Variants in KLHL4 observed in about 807,000 individuals in gnomAD.
KLHL4 encodes the protein kelch-like protein 4.
Under a neutral mutation model 45.8 loss-of-function variants are expected in KLHL4, and 17 were observed. The observed-to-expected ratio is 0.37, with a 90% confidence interval of 0.25 to 0.56. The LOEUF (loss-of-function observed/expected upper bound fraction) is 0.56, where lower values mean the gene tolerates loss of function less well. KLHL4 is among the 20% of genes least tolerant of loss of function. The probability of loss-of-function intolerance (pLI) is 0.79; values close to 1 mark genes in which losing one functional copy is unlikely to be tolerated. For missense variants in KLHL4, 544 were observed against 544.9 expected, an observed-to-expected ratio of 1.00 and a Z score of 0.02; for synonymous variants, 224 against 189.9, an observed-to-expected ratio of 1.18 and a Z score of -1.47.
At chrX:87,529,589 A>C (rs2147764752) in intron 1 of KLHL4, among the ~76,000 whole-genome samples, 1 of 111,368 alleles carries the variant, frequency 9.0e-6, no homozygotes, top group African/African-American at 3.3e-5. Context: ...TTTATTATTA[A>C]ATTCTCTATA....
At position 87,669,245 on chromosome X, in the gene KLHL4, G is replaced by A; in HGVS notation, c.*2711G>A. The A allele has an allele frequency of 4.3e-6, 5 of 1,169,814 alleles. No homozygotes were observed. Among genetic ancestry groups the A allele is most frequent in the Non-Finnish European group, 5.7e-6 (5 of 873,429 alleles). ...TTTTTTCTATAATCACTATGACCGT[G>A]TTCACGATTCCCTACTCTGCAACTC... is the stretch of plus-strand genomic sequence containing the variant. On this transcript the variant is annotated 3_prime_UTR_variant, in exon 11 of 11. Coordinates refer to ENST00000373119, the MANE Select transcript of KLHL4 (RefSeq NM_019117.5).
chrX:87,609,883 T>C (rs759590181), intron 1 of KLHL4, among the ~76,000 whole-genome samples: 1 of 111,226 alleles, frequency 9.0e-6, no homozygotes, highest in Admixed American at 9.6e-5. Flanking sequence ...ACTAAAAGAG[T>C]GAGAACTCAC....
At chrX:87,644,575 C>A (rs760951277) in intron 9 of KLHL4, among the ~76,000 whole-genome samples, 8 of 110,908 alleles carry the variant, frequency 7.2e-5, no homozygotes, top group African/African-American at 2.0e-4. Context: ...CATATGGAAC[C>A]AAAAAAGAGC....
Position 87,552,375 on chromosome X carries a change from AAAAAAT to A in KLHL4, c.422+34078_422+34083del, listed in dbSNP as rs766557258. Among the ~76,000 whole-genome samples, 769 of 111,057 alleles carry A rather than the reference AAAAAAT, an allele frequency of 6.9e-3. 3 individuals are homozygous for A. The highest frequency in any genetic ancestry group is 0.011 in the Non-Finnish European group (607 of 52,825). ...TACTCCTGCAAGAAAGGCCATAATCAAAAAATAAAAATAAAAATAAAAACAGCAGAT... is the reference window on the plus strand; with the variant it reads ...TACTCCTGCAAGAAAGGCCATAATCAAAAAATAAAAATAAAAACAGCAGAT... On this transcript the variant is annotated intron_variant, in intron 1 of 10. Coordinates refer to ENST00000373119, the MANE Select transcript of KLHL4 (RefSeq NM_019117.5).
chrX:87,562,816 A>C (rs2147785727), intron 1 of KLHL4, among the ~76,000 whole-genome samples: 1 of 111,789 alleles, frequency 8.9e-6, no homozygotes, highest in East Asian at 2.9e-4. Context: ...GGTGAAAACA[A>C]ATAGTGTGCT....
chrX:87,551,960 A>C (rs755927368), intron 1 of KLHL4, among the ~76,000 whole-genome samples: 1 of 111,833 alleles, frequency 8.9e-6, no homozygotes, highest in Non-Finnish European at 1.9e-5. Context: ...AGAAGTTAAC[A>C]TAGGAAGAAC....
intron 9 of KLHL4, among the ~76,000 whole-genome samples, chrX:87,663,734 G>T (rs1283139036): frequency 1.8e-5 from 2 of 112,243 alleles, no homozygotes; most frequent in Non-Finnish European, 3.8e-5. Context: ...AAAGTGATAT[G>T]CTACATGACA....
intron 8 of KLHL4, among the ~76,000 whole-genome samples, chrX:87,634,618 A>T (rs983889725): frequency 2.7e-5 from 3 of 112,130 alleles, no homozygotes; most frequent in African/African-American, 9.7e-5. Flanking sequence ...ACTATGCATG[A>T]AGCCAATACA....
chrX:87,553,336 ATTAG>A (rs753715945), intron 1 of KLHL4, among the ~76,000 whole-genome samples: 314 of 110,918 alleles, frequency 2.8e-3, no homozygotes, highest in Non-Finnish European at 5.1e-3. Context: ...TCAATCAATA[ATTAG>A]TTAATGAAAC....
chrX:87,568,608 T>C lies in KLHL4; in HGVS notation c.423-45269T>C, dbSNP rs749224671. On this transcript the variant is annotated intron_variant, in intron 1 of 10. Coordinates refer to ENST00000373119, the MANE Select transcript of KLHL4 (RefSeq NM_019117.5). ...AGTACTTTCATAAGGATAAAAAGCT[T>C]ACAGTAATCAAATATGTGTAGTACT... 2.7e-5 allele frequency among the ~76,000 whole-genome samples: 3 copies of C among 110,422 alleles called. No individual in the cohort carries two copies. The Admixed American group carries it at 2.9e-4, about 11-fold the overall frequency.
At chrX:87,581,632 A>T (rs1275818329) in intron 1 of KLHL4, among the ~76,000 whole-genome samples, 1 of 112,524 alleles carries the variant, frequency 8.9e-6, no homozygotes, top group Non-Finnish European at 1.9e-5. Flanking sequence ...AGCCCTATGG[A>T]AGAGTGGCCA....
chrX:87,521,525 A>T (rs766861950), intron 1 of KLHL4, among the ~76,000 whole-genome samples: 7 of 111,659 alleles, frequency 6.3e-5, no homozygotes, highest in Non-Finnish European at 1.1e-4. Context: ...TATTTAGGTG[A>T]TTATAAATAA....
chrX:87,529,297 T>C (rs934883261), intron 1 of KLHL4, among the ~76,000 whole-genome samples: 2 of 111,383 alleles, frequency 1.8e-5, no homozygotes, highest in Non-Finnish European at 3.8e-5. Flanking sequence ...ATAATCCAAC[T>C]CAAAATACTC....
At chrX:87,629,766 A>C (rs997249410) in intron 6 of KLHL4, among the ~76,000 whole-genome samples, 1 of 111,837 alleles carries the variant, frequency 8.9e-6, no homozygotes, top group Non-Finnish European at 1.9e-5. Flanking sequence ...AATGGAAAGA[A>C]TTGGAAAACA....
intron 9 of KLHL4, among the ~76,000 whole-genome samples, chrX:87,660,473 GA>G (rs1182277653): frequency 1.8e-5 from 2 of 111,736 alleles, no homozygotes; most frequent in African/African-American, 6.5e-5. Context: ...CTATATTTGG[GA>G]AAAAATGTCT....
At chrX:87,661,519 C>T (rs1171497577) in intron 9 of KLHL4, among the ~76,000 whole-genome samples, 2 of 110,894 alleles carry the variant, frequency 1.8e-5, no homozygotes, top group Non-Finnish European at 3.8e-5. Flanking sequence ...AGAGTGTTGA[C>T]AGCAGAACAA....
In KLHL4 at chrX:87,667,732, T is replaced by C. The variant is rs1924419989; in HGVS notation, c.*1198T>C. On this transcript the variant is annotated 3_prime_UTR_variant, in exon 11 of 11. Coordinates refer to ENST00000373119, the MANE Select transcript of KLHL4 (RefSeq NM_019117.5). ...GAAAAACCCTTTGTGAAAGTAACTT[T>C]TCAAGTAAATGCACAACTTTAGAAT... 2 of 691,009 alleles carry C rather than the reference T, an allele frequency of 2.9e-6. No individual in the cohort carries two copies. Among genetic ancestry groups the C allele is most frequent in the Non-Finnish European group, 3.4e-6 (2 of 582,669 alleles). The allele number at this position is 691,009 out of a possible 1,213,427, so 56.9% of individuals were successfully genotyped here.
At chrX:87,655,110 C>T (rs222108) in intron 9 of KLHL4, among the ~76,000 whole-genome samples, 50,787 of 110,589 alleles carry the variant, frequency 0.46, 9,597 homozygotes, top group Non-Finnish European at 0.6. Context: ...TCTCTGTTCA[C>T]GCTATCGATT....
intron 3 of KLHL4, among the ~76,000 whole-genome samples, chrX:87,617,133 T>C (rs2147815411): frequency 9.0e-6 from 1 of 111,408 alleles, no homozygotes; most frequent in East Asian, 2.8e-4. Context: ...TACAGACATA[T>C]AAATATAAAC....
Sources: allele counts gnomAD v4.1 joint callset (sites outside exome capture counted in the v4.1 genomes callset), GRCh38; gene constraint gnomAD v4.1.1; transcripts MANE v1.5; gene names NCBI Gene and HGNC (gene_info 2026-07-23, HGNC 2026-07-21).